Variants in WDR41 observed in about 807,000 individuals in gnomAD.
WDR41 encodes WD repeat domain 41.
Under a neutral mutation model 69.3 loss-of-function variants are expected in WDR41, and 63 were observed. That is an observed-to-expected ratio of 0.91 (90% CI 0.74 to 1.12). WDR41 has a LOEUF of 1.12. WDR41 is among the 50% of genes most tolerant of loss of function. WDR41 has a pLI of 0.00. For missense variants in WDR41, 543 were observed against 534.5 expected (o/e 1.02, Z -0.16); for synonymous variants, 185 against 192.1 (o/e 0.96, Z 0.31).
At chr5:77,535,182 C>T (rs533547868) in intron 1 of WDR41, among the ~76,000 whole-genome samples, 4 of 152,066 alleles carry the variant, frequency 2.6e-5, no homozygotes, top group Admixed American at 1.3e-4. Context: ...ATTTCCTATC[C>T]TAAATTGCCC....
Position 77,449,822 on chromosome 5 carries a change from A to G in WDR41, c.635T>C (p.Ile212Thr), listed in dbSNP as rs746161640. The G allele has an allele frequency of 1.2e-6, 2 of 1,613,768 alleles. No homozygotes were observed. Among genetic ancestry groups the G allele is most frequent in the East Asian group, 4.5e-5 (2 of 44,872 alleles). ...APTEGSLEWD[I>T]LEVKRLLDHQ... ...ATCAAGGAGGCGCTTAACTTCAAGA[A>G]TATCCCATTCTAGTGATCCTTCTGT... The change falls in exon 8 of 13, where the codon ATT becomes ACT. Residue 212 changes from isoleucine to threonine, a missense_variant. Physicochemically the swap from Ile to Thr is moderately conservative, Grantham distance 89. Transcript: ENST00000296679.
At chr5:77,478,330 C>T (rs1183604863) in intron 2 of WDR41, among the ~76,000 whole-genome samples, 1 of 152,138 alleles carries the variant, frequency 6.6e-6, no homozygotes, top group African/African-American at 2.4e-5. Context: ...TTTTATGAGG[C>T]CAGCATCATC....
At chr5:77,486,322 C>A (rs532446775) in intron 2 of WDR41, among the ~76,000 whole-genome samples, 2 of 152,260 alleles carry the variant, frequency 1.3e-5, no homozygotes, top group East Asian at 3.9e-4. Flanking sequence ...AAATGTGAAT[C>A]ATGAAGTCAT....
intron 1 of WDR41, among the ~76,000 whole-genome samples, chr5:77,595,157 G>A (rs76182214): frequency 5.3e-5 from 8 of 150,302 alleles, no homozygotes; most frequent in African/African-American, 9.9e-5. Context: ...GGTCTTCTTC[G>A]TGCTTCATTT....
intron 1 of WDR41, among the ~76,000 whole-genome samples, chr5:77,513,399 G>C (rs1044014538): frequency 6.6e-6 from 1 of 152,100 alleles, no homozygotes; most frequent in Non-Finnish European, 1.5e-5. Flanking sequence ...AATCTATAAT[G>C]TGTCTTCTTT....
intron 1 of WDR41, among the ~76,000 whole-genome samples, chr5:77,507,316 A>G (rs1308121270): frequency 3.3e-5 from 5 of 152,260 alleles, no homozygotes; most frequent in Non-Finnish European, 5.9e-5. Flanking sequence ...AAACATAAAT[A>G]CACTGCTCCA....
intron 1 of WDR41, among the ~76,000 whole-genome samples, chr5:77,559,052 T>G (rs1413176343): frequency 2.6e-5 from 4 of 152,164 alleles, no homozygotes; most frequent in Non-Finnish European, 5.9e-5. Flanking sequence ...TTAGGAGAGC[T>G]CAAGAATAAA....
chr5:77,597,583 T>G (rs1433984096), intron 1 of WDR41, among the ~76,000 whole-genome samples: 1 of 152,192 alleles, frequency 6.6e-6, no homozygotes, highest in Non-Finnish European at 1.5e-5. Flanking sequence ...GGAAATCTCA[T>G]GATCACCCAA....
At chr5:77,555,809 T>A (rs1041146046) in intron 1 of WDR41, among the ~76,000 whole-genome samples, 8 of 152,080 alleles carry the variant, frequency 5.3e-5, no homozygotes, top group African/African-American at 1.9e-4. Flanking sequence ...ATGTAAAGAT[T>A]CAATACTATT....
intron 1 of WDR41, among the ~76,000 whole-genome samples, chr5:77,588,371 A>T (rs1272229834): frequency 6.6e-6 from 1 of 152,190 alleles, no homozygotes; most frequent in Admixed American, 6.5e-5. Context: ...GCTGATAAGG[A>T]CATTCTCCTG....
At chr5:77,532,917 T>C (rs1742884112) in intron 1 of WDR41, among the ~76,000 whole-genome samples, 1 of 152,106 alleles carries the variant, frequency 6.6e-6, no homozygotes, top group Non-Finnish European at 1.5e-5. Flanking sequence ...ATGCTAGCAA[T>C]GTTCTATTTC....
At chr5:77,608,310 T>C (rs1744466271) in intron 1 of WDR41, among the ~76,000 whole-genome samples, 2 of 152,202 alleles carry the variant, frequency 1.3e-5, no homozygotes, top group Admixed American at 6.5e-5. Flanking sequence ...AATTGTTACA[T>C]TGGAGATCAA....
intron 1 of WDR41, among the ~76,000 whole-genome samples, chr5:77,573,125 T>C (rs6453323): frequency 6.6e-6 from 1 of 151,936 alleles, no homozygotes; most frequent in Admixed American, 6.6e-5. Flanking sequence ...CCAGGACAGA[T>C]CTGTTTTCAC....
chr5:77,552,332 C>T (rs1743315208), intron 1 of WDR41, among the ~76,000 whole-genome samples: 1 of 152,096 alleles, frequency 6.6e-6, no homozygotes, highest in Non-Finnish European at 1.5e-5. Flanking sequence ...ATTTACTTAA[C>T]ATGTGCAAGA....
At chr5:77,460,261 T>C (rs1011366921) in intron 4 of WDR41, among the ~76,000 whole-genome samples, 2 of 152,212 alleles carry the variant, frequency 1.3e-5, no homozygotes, top group African/African-American at 4.8e-5. Context: ...CCACCCTAGG[T>C]TGGGGACCAT....
chr5:77,554,905 GC>G (rs1274650109), intron 1 of WDR41, among the ~76,000 whole-genome samples: 1 of 151,802 alleles, frequency 6.6e-6, no homozygotes, highest in Non-Finnish European at 1.5e-5. Context: ...GATCACTTGA[GC>G]CCAGGAATTC....
chr5:77,616,199 G>A (rs1421416200), intron 1 of WDR41, among the ~76,000 whole-genome samples: 4 of 151,288 alleles, frequency 2.6e-5, no homozygotes, highest in African/African-American at 7.3e-5. Flanking sequence ...ACTCAATTTA[G>A]TCTCTCCTCA....
Position 77,555,050 on chromosome 5 carries a change from G to A in WDR41, c.42+65429C>T, listed in dbSNP as rs1743365769. Among the ~76,000 whole-genome samples the A allele has an allele frequency of 2.0e-5, 3 of 150,756 alleles. No homozygotes were observed. In the South Asian group the frequency reaches 6.3e-4, roughly 32 times the overall value. On this transcript the variant is annotated intron_variant, in intron 1 of 5. Coordinates refer to the WDR41 transcript ENST00000509971. Reference sequence around the variant, plus strand: ...GGAGGCTGTACCTGATTGTACCACTGCATTCCAGCTTGGGTGAGACAACAA... The same window carrying A: ...GGAGGCTGTACCTGATTGTACCACTACATTCCAGCTTGGGTGAGACAACAA...
chr5:77,464,612 A>AAC (rs1800218200), intron 3 of WDR41, 149 bp downstream of exon 3: 10 of 788,798 alleles, frequency 1.3e-5, no homozygotes, highest in Admixed American at 2.8e-5. Context: ...CCCACTGTAT[A>AAC]TGGATTTATC....
Sources: gnomAD v4.1 joint callset for allele counts (sites outside exome capture counted in the v4.1 genomes callset) on GRCh38, gnomAD v4.1.1 for gene constraint, MANE v1.5 for transcripts, NCBI Gene and HGNC (gene_info 2026-07-23, HGNC 2026-07-21) for gene names.